The following PTPRG variants were observed in gnomAD, a reference collection of about 807,000 sequenced individuals.
The protein encoded by PTPRG is receptor-type tyrosine-protein phosphatase gamma.
Under a neutral mutation model 165.3 loss-of-function variants are expected in PTPRG, and 102 were observed. The ratio of observed to expected loss-of-function variants is 0.62; its 90% CI spans 0.53 to 0.73. The LOEUF (loss-of-function observed/expected upper bound fraction) is 0.73. PTPRG is among the 30% of genes least tolerant of loss of function. The pLI, the probability that PTPRG is intolerant of heterozygous loss-of-function variation, is 0.00. For synonymous variants in PTPRG, 675 were observed against 669.5 expected, an observed-to-expected ratio of 1.01 and a Z score of -0.13; for missense variants, 1,866 against 1,861.4, an observed-to-expected ratio of 1.00 and a Z score of -0.05.
intron 2 of PTPRG, among the ~76,000 whole-genome samples, chr3:61,830,710 G>A (rs1301130062): frequency 1.3e-5 from 2 of 151,808 alleles, no homozygotes; most frequent in South Asian, 2.1e-4. Context: ...GAGTAGCTGG[G>A]ATTACAGGCA....
intron 3 of PTPRG, among the ~76,000 whole-genome samples, chr3:61,992,383 C>T (rs926963484): frequency 2.0e-5 from 3 of 152,020 alleles, no homozygotes; most frequent in South Asian, 4.2e-4. Context: ...TTTTCTGAGA[C>T]GGTCTCACTC....
intron 5 of PTPRG, among the ~76,000 whole-genome samples, chr3:62,110,053 T>C (rs1178309322): frequency 1.3e-5 from 2 of 151,656 alleles, no homozygotes; most frequent in Admixed American, 1.3e-4. Context: ...GTTTCTTCCT[T>C]GTTCAGTAGC....
At chr3:61,859,741 G>C (rs1202448326) in intron 2 of PTPRG, among the ~76,000 whole-genome samples, 1 of 152,028 alleles carries the variant, frequency 6.6e-6, no homozygotes, top group Non-Finnish European at 1.5e-5. Context: ...AGTCTTAGGA[G>C]AGACTCTTTC....
chr3:62,156,633 T>C (rs1704547780), intron 6 of PTPRG, among the ~76,000 whole-genome samples: 1 of 152,180 alleles, frequency 6.6e-6, no homozygotes, highest in Admixed American at 6.5e-5. Flanking sequence ...CCAAAGTTTG[T>C]TCCACTGATT....
chr3:62,084,879 A>G (rs2526422), intron 5 of PTPRG, among the ~76,000 whole-genome samples: 49,833 of 152,152 alleles, frequency 0.33, 10,284 homozygotes, highest in African/African-American at 0.59. Flanking sequence ...TATGTCTCTT[A>G]CACACGGCTA....
chr3:61,994,162 A>G (rs1331950398), intron 3 of PTPRG, among the ~76,000 whole-genome samples: 1 of 152,232 alleles, frequency 6.6e-6, no homozygotes, highest in East Asian at 1.9e-4. Flanking sequence ...AAGGTAATGC[A>G]TTCATCAAGA....
chr3:62,115,319 C>A (rs140746324), intron 5 of PTPRG, among the ~76,000 whole-genome samples: 2 of 152,070 alleles, frequency 1.3e-5, no homozygotes, highest in Non-Finnish European at 2.9e-5. Flanking sequence ...ATGAAAAAAA[C>A]CCCTTTCCCT....
chr3:62,173,569 G>A (rs1411435282), intron 8 of PTPRG, among the ~76,000 whole-genome samples: 2 of 152,144 alleles, frequency 1.3e-5, no homozygotes, highest in Non-Finnish European at 2.9e-5. Flanking sequence ...AGGTGGTAAT[G>A]GCCATGACTG....
intron 2 of PTPRG, among the ~76,000 whole-genome samples, chr3:61,846,395 C>T (rs1283184082): frequency 3.9e-5 from 6 of 152,104 alleles, no homozygotes; most frequent in Non-Finnish European, 7.3e-5. Context: ...GTAAAGGAAA[C>T]AGCCACTGGG....
intron 4 of PTPRG, among the ~76,000 whole-genome samples, chr3:62,027,196 C>G (rs905159683): frequency 1.3e-5 from 2 of 152,106 alleles, no homozygotes; most frequent in African/African-American, 2.4e-5. Context: ...GGTTTTTCTG[C>G]AAATGATTTA....
intron 2 of PTPRG, among the ~76,000 whole-genome samples, chr3:61,751,925 G>A (rs1345913564): frequency 1.3e-5 from 2 of 152,014 alleles, no homozygotes; most frequent in East Asian, 1.9e-4. Context: ...CCCGGGAGGC[G>A]GAGCTTGCAG....
At chr3:62,117,091 G>A (rs146080959) in intron 5 of PTPRG, among the ~76,000 whole-genome samples, 29 of 152,282 alleles carry the variant, frequency 1.9e-4, no homozygotes, top group African/African-American at 5.5e-4. Flanking sequence ...GCAGAAGAAC[G>A]TGTACCCTGA....
intron 1 of PTPRG, among the ~76,000 whole-genome samples, chr3:61,713,164 G>GTT (rs71100971): frequency 1.2e-4 from 13 of 111,806 alleles, no homozygotes; most frequent in Non-Finnish European, 1.3e-4. Context: ...CATCAAATAT[G>GTT]TTTTTTTTTT....
intron 1 of PTPRG, among the ~76,000 whole-genome samples, chr3:61,678,726 A>G (rs564520831): frequency 2.8e-4 from 43 of 152,196 alleles, no homozygotes; most frequent in Middle Eastern, 3.4e-3. Flanking sequence ...TGTCATAATC[A>G]TGTCCCATTT....
intron 2 of PTPRG, among the ~76,000 whole-genome samples, chr3:61,876,323 C>T (rs1375835002): frequency 6.6e-6 from 1 of 152,058 alleles, no homozygotes. Flanking sequence ...AATGTGGGAT[C>T]CTGGATAAGA....
chr3:62,059,280 G>C (rs186562154), intron 4 of PTPRG, among the ~76,000 whole-genome samples: 19 of 152,296 alleles, frequency 1.2e-4, no homozygotes, highest in African/African-American at 4.6e-4. Flanking sequence ...ATGATTCTTA[G>C]ACTTGGACTC....
intron 4 of PTPRG, among the ~76,000 whole-genome samples, chr3:62,023,187 A>C (rs1302494282): frequency 6.6e-6 from 1 of 152,198 alleles, no homozygotes; most frequent in East Asian, 1.9e-4. Context: ...TCTGTGTTAT[A>C]TTTAAACACA....
chr3:61,991,919 C>T (rs979653572), intron 3 of PTPRG, among the ~76,000 whole-genome samples: 1 of 152,222 alleles, frequency 6.6e-6, no homozygotes, highest in Non-Finnish European at 1.5e-5. Flanking sequence ...TGACCTTGGT[C>T]TTCCAGAAGC....
chr3:62,047,686 T>G (rs535948578), intron 4 of PTPRG, among the ~76,000 whole-genome samples: 2 of 152,328 alleles, frequency 1.3e-5, no homozygotes, highest in East Asian at 3.9e-4. Context: ...ATACGCATTT[T>G]CCCCTCTCAT....
Sources: gnomAD v4.1 joint callset for allele counts (sites outside exome capture counted in the v4.1 genomes callset) on GRCh38, gnomAD v4.1.1 for gene constraint, MANE v1.5 for transcripts, NCBI Gene and HGNC (gene_info 2026-07-23, HGNC 2026-07-21) for gene names.